The following NRM variants were observed in gnomAD, a reference collection of about 807,000 sequenced individuals.
NRM encodes nuclear rim protein.
In NRM, 19 loss-of-function variants were observed where a neutral mutation model predicts 23.4. The ratio of observed to expected loss-of-function variants is 0.81; its 90% CI spans 0.57 to 1.19. The LOEUF is 1.19. Ranked by LOEUF, NRM falls within the 50% of genes most tolerant of loss-of-function variation. The pLI is 0.00. For missense variants in NRM, 232 were observed against 329.7 expected (o/e 0.70, Z 2.30); for synonymous variants, 140 against 143.5 (o/e 0.98, Z 0.17).
In NRM at chr6:30,689,804, A is replaced by C. The variant is rs551154235; in HGVS notation, c.330+243T>G. Among the ~76,000 whole-genome samples the C allele has an allele frequency of 2.0e-5, 3 of 152,324 alleles. No homozygotes were observed. The South Asian group carries it at 6.2e-4, about 32-fold the overall frequency. On this transcript the variant is annotated intron_variant, in intron 2 of 3. Transcript: ENST00000376421. The surrounding 1 kb of genome is among the most constrained non-coding windows in gnomAD (Gnocchi z 4.7). The stretch of plus-strand genomic sequence containing the variant: ...GTAGGACTGAAGAGAAGGGATCTCA[A>C]GCAGGACATAAACAAAGTTGCAGAG...
At position 30,689,585 on chromosome 6, in the gene NRM, A is replaced by C; in HGVS notation, c.331-133T>G. 1.1e-6 allele frequency: 1 copy of C among 886,776 alleles called. No individual in the cohort carries two copies. The highest frequency in any genetic ancestry group is 1.7e-6 in the Non-Finnish European group (1 of 592,726). The allele number at this position is 886,776 out of a possible 1,614,324, so 54.9% of individuals were successfully genotyped here. A position where few individuals can be genotyped will look rare whatever the true frequency, so the allele number is the denominator to read the frequency against. On this transcript the variant is annotated intron_variant, in intron 2 of 3. Coordinates refer to ENST00000376421, the MANE Select transcript of NRM (RefSeq NM_001384369.1). This position sits in a 1 kb window ranked among gnomAD's most constrained non-coding sequence, Gnocchi z 4.7. Reference sequence around the variant, plus strand: ...ACCTCTCTCCTAAGCATCACCACCAAATATTCACCATGTGGAGGGTGCGTG... The same window carrying C: ...ACCTCTCTCCTAAGCATCACCACCACATATTCACCATGTGGAGGGTGCGTG...
chr6:30,688,321 GAGGCA>G lies in NRM; in HGVS notation c.*335_*339del. 1 of 335,012 alleles carries G rather than the reference GAGGCA, an allele frequency of 3.0e-6. No homozygotes were observed. Among genetic ancestry groups the G allele is most frequent in the Non-Finnish European group, 5.5e-6 (1 of 180,370 alleles). The allele number at this position is 335,012 out of a possible 1,614,324, so 20.8% of individuals were successfully genotyped here. A position where few individuals can be genotyped will look rare whatever the true frequency, so the allele number is the denominator to read the frequency against. Reference sequence around the variant, plus strand: ...TGCAGAAGGGGACCCCTGAGGCGCAGAGGCAAGTAACAGTGCCAGGGGAGTGGTCA... The same window carrying G: ...TGCAGAAGGGGACCCCTGAGGCGCAGAGTAACAGTGCCAGGGGAGTGGTCA... On this transcript the variant is annotated 3_prime_UTR_variant, in exon 4 of 4. Coordinates refer to ENST00000376421, the MANE Select transcript of NRM (RefSeq NM_001384369.1). This position sits in a 1 kb window ranked among gnomAD's most constrained non-coding sequence, Gnocchi z 5.9.
chr6:30,690,040 C>T lies in NRM; in HGVS notation c.330+7G>A, dbSNP rs539988072. ...GATTTCATACCTGCAAGGCCAGGGC[C>T]TCATACCTGCAAGGCCAGGGCAGTG... On this transcript the variant is annotated splice_region_variant and intron_variant, in intron 2 of 3. Transcript: ENST00000376421. The surrounding 1 kb of genome is among the most constrained non-coding windows in gnomAD (Gnocchi z 5.5). 8 of 1,600,878 alleles carry T rather than the reference C, an allele frequency of 5.0e-6. No individual in the cohort carries two copies. The African/African-American group carries it at 9.5e-5, about 19-fold the overall frequency.
rs1018508282 is a variant in NRM, at chr6:30,690,355, G to C, written c.134-112C>G. On this transcript the variant is annotated intron_variant, in intron 1 of 3. Coordinates refer to ENST00000376421, the MANE Select transcript of NRM (RefSeq NM_001384369.1). The surrounding 1 kb of genome is among the most constrained non-coding windows in gnomAD (Gnocchi z 5.5). ...GCCATGTCCCTTACTGCTTTCAAGA[G>C]CCTTAATGCTTCCTCTCTAGGCTGT... The C allele has an allele frequency of 5.5e-6, 6 of 1,100,882 alleles. No individual in the cohort carries two copies. The highest frequency in any genetic ancestry group is 7.7e-6 in the Non-Finnish European group (6 of 782,272). The allele number at this position is 1,100,882 out of a possible 1,614,324, so 68.2% of individuals were successfully genotyped here.
In NRM at chr6:30,689,229, G is replaced by C; in HGVS notation, c.507+47C>G. The C allele has an allele frequency of 6.6e-7, 1 of 1,510,370 alleles. No homozygotes were observed. Among genetic ancestry groups the C allele is most frequent in the South Asian group, 1.2e-5 (1 of 80,910 alleles). The allele number at this position is 1,510,370 out of a possible 1,614,324, so 93.6% of individuals were successfully genotyped here. A position where few individuals can be genotyped will look rare whatever the true frequency, so the allele number is the denominator to read the frequency against. On this transcript the variant is annotated intron_variant, in intron 3 of 3. Transcript: ENST00000376421. This position sits in a 1 kb window ranked among gnomAD's most constrained non-coding sequence, Gnocchi z 4.7. The stretch of plus-strand genomic sequence containing the variant: ...GGAAACCCTTGAAAGGGAACGAGGA[G>C]TTCTAAAATGGGTCAGAGGTCATAG...
At position 30,688,599 on chromosome 6, in the gene NRM, A is replaced by C; in HGVS notation, c.*62T>G. On this transcript the variant is annotated 3_prime_UTR_variant, in exon 4 of 4. Coordinates refer to ENST00000376421, the MANE Select transcript of NRM (RefSeq NM_001384369.1). This position sits in a 1 kb window ranked among gnomAD's most constrained non-coding sequence, Gnocchi z 5.9. ...CTGGCATGAAGCAGCCAGGGCCTGG[A>C]TGTTAAGGATTTAGAATTCAGTGGG... 6.4e-7 allele frequency: 1 copy of C among 1,562,606 alleles called. No homozygotes were observed. Among genetic ancestry groups the C allele is most frequent in the Non-Finnish European group, 8.7e-7 (1 of 1,149,596 alleles).
Position 30,688,756 on chromosome 6 carries a change from G to C in NRM, c.694C>G (p.His232Asp), listed in dbSNP as rs151213652. The part of the protein sequence containing the change: ...FLLTLYLGLA[H>D]GLDQQDLRYL... ...CGGAGGTCTTGCTGATCAAGCCCGT[G>C]AGCCAGGCCCAGGTAGAGGGTAAGG... The change falls in exon 4 of 4, where the codon CAC (histidine) becomes GAC (aspartate). Residue 232 changes from histidine to aspartate, a missense_variant. Coordinates refer to ENST00000376421, the MANE Select transcript of NRM (RefSeq NM_001384369.1). The surrounding 1 kb of genome is among the most constrained non-coding windows in gnomAD (Gnocchi z 5.9). The C allele has an allele frequency of 3.1e-6, 5 of 1,613,924 alleles. No homozygotes were observed. The highest frequency in any genetic ancestry group is 4.2e-6 in the Non-Finnish European group (5 of 1,179,990).
Position 30,689,579 on chromosome 6 carries a change from C to T in NRM, c.331-127G>A, listed in dbSNP as rs955772198. The T allele has an allele frequency of 1.1e-6, 1 of 943,360 alleles. No homozygotes were observed. The highest frequency in any genetic ancestry group is 1.7e-5 in the African/African-American group (1 of 60,034). 58.4% of individuals were successfully genotyped at this position (943,360 alleles called of 1,614,324 possible). On this transcript the variant is annotated intron_variant, in intron 2 of 3. Transcript: ENST00000376421. This position sits in a 1 kb window ranked among gnomAD's most constrained non-coding sequence, Gnocchi z 4.7. Reference sequence around the variant, plus strand: ...TCCCCCACCTCTCTCCTAAGCATCACCACCAAATATTCACCATGTGGAGGG... The same window carrying T: ...TCCCCCACCTCTCTCCTAAGCATCATCACCAAATATTCACCATGTGGAGGG...
Position 30,689,401 on chromosome 6 carries a change from C to G in NRM, c.382G>C (p.Ala128Pro). 1.9e-6 allele frequency: 3 copies of G among 1,571,700 alleles called. No individual in the cohort carries two copies. Among genetic ancestry groups the G allele is most frequent in the Non-Finnish European group, 1.7e-6 (2 of 1,158,568 alleles). Reference sequence around the variant, plus strand: ...CAGGTGGCCCATGGCTCAGCCCGAGCCTCCCACAACACAGGGCCTTTGGGT... The same window carrying G: ...CAGGTGGCCCATGGCTCAGCCCGAGGCTCCCACAACACAGGGCCTTTGGGT... ...PIPKGPVLWE[A>P]RAEPWATWVP... is the part of the protein sequence containing the mutation. The change falls in exon 3 of 4, where the codon GCT becomes CCT. Residue 128 changes from alanine (A) to proline (P), a missense_variant. Transcript: ENST00000376421. The surrounding 1 kb of genome is among the most constrained non-coding windows in gnomAD (Gnocchi z 4.7).
In NRM at chr6:30,688,991, C is replaced by G. The variant is rs763182065; in HGVS notation, c.508-49G>C. The G allele has an allele frequency of 9.0e-6, 14 of 1,559,600 alleles. No individual in the cohort carries two copies. The highest frequency in any genetic ancestry group is 1.2e-5 in the Non-Finnish European group (14 of 1,151,814). ...AAATGGAGTCAAGCCCTTTTCTCAT[C>G]TTGGGCACTTCTTTCCTCCTCTTCC... is the stretch of plus-strand genomic sequence containing the variant. On this transcript the variant is annotated intron_variant, in intron 3 of 3. Transcript: ENST00000376421. The surrounding 1 kb of genome is among the most constrained non-coding windows in gnomAD (Gnocchi z 5.9).
At position 30,688,835 on chromosome 6, in the gene NRM, T is replaced by G; in HGVS notation, c.615A>C (p.Thr205=). 2.5e-6 allele frequency: 4 copies of G among 1,613,734 alleles called. No individual in the cohort carries two copies. Among genetic ancestry groups the G allele is most frequent in the Non-Finnish European group, 3.4e-6 (4 of 1,179,946 alleles). The change falls in exon 4 of 4, where the codon ACA becomes ACC. Residue 205 remains threonine, a synonymous_variant. Transcript: ENST00000376421. This position sits in a 1 kb window ranked among gnomAD's most constrained non-coding sequence, Gnocchi z 5.9. ...CCAGGGTAGGCACCACCCACAGCAC[T>G]GTCAGCAGCTCCACACACACTGGGT... ...LRHPVCVELL[T]VLWVVPTLGT...
chr6:30,689,878 A>G lies in NRM; in HGVS notation c.330+169T>C. On this transcript the variant is annotated intron_variant, in intron 2 of 3. Coordinates refer to ENST00000376421, the MANE Select transcript of NRM (RefSeq NM_001384369.1). This position sits in a 1 kb window ranked among gnomAD's most constrained non-coding sequence, Gnocchi z 4.7. Reference sequence around the variant, plus strand: ...GGGAAGGACAAGTACACCCTTCTTGATAAAAAGTAGGATATGTGCTGTGGA... The same window carrying G: ...GGGAAGGACAAGTACACCCTTCTTGGTAAAAAGTAGGATATGTGCTGTGGA... The G allele has an allele frequency of 1.6e-6, 1 of 626,252 alleles. No individual in the cohort carries two copies. The highest frequency in any genetic ancestry group is 2.7e-6 in the Non-Finnish European group (1 of 370,578). 38.8% of individuals were successfully genotyped at this position (626,252 alleles called of 1,614,324 possible).
Position 30,689,692 on chromosome 6 carries a change from C to A in NRM, c.331-240G>T, listed in dbSNP as rs773602933. Among the ~76,000 whole-genome samples, 7 of 152,242 alleles carry A rather than the reference C, an allele frequency of 4.6e-5. No individual in the cohort carries two copies. The highest frequency in any genetic ancestry group is 1.4e-4 in the African/African-American group (6 of 41,530). On this transcript the variant is annotated intron_variant, in intron 2 of 3. Transcript: ENST00000376421. This position sits in a 1 kb window ranked among gnomAD's most constrained non-coding sequence, Gnocchi z 4.7. ...AATAGATGGGGTGACCTGATAGCTA[C>A]GCAAAGTAGTAGCCTGTGCCAACCA... is the stretch of plus-strand genomic sequence containing the variant.
chr6:30,690,157 C>T lies in NRM; in HGVS notation c.220G>A (p.Val74Ile). ...AWDLGLLLLFVGQHSLMAAER... is the reference protein window; with the variant it reads ...AWDLGLLLLFIGQHSLMAAER... ...GCTGCCATGAGGCTGTGCTGCCCAA[C>T]AAATAGAAGCAGGAGCCCCAGATCC... Residue 74 changes from valine to isoleucine, a missense_variant, in exon 2 of 4, where the codon GTT becomes ATT. Physicochemically the swap from Val to Ile is conservative, Grantham distance 29. Coordinates refer to ENST00000376421, the MANE Select transcript of NRM (RefSeq NM_001384369.1). The surrounding 1 kb of genome is among the most constrained non-coding windows in gnomAD (Gnocchi z 5.5). 2 of 1,612,872 alleles carry T rather than the reference C, an allele frequency of 1.2e-6. No individual in the cohort carries two copies. The highest frequency in any genetic ancestry group is 1.1e-5 in the South Asian group (1 of 91,074).
chr6:30,690,701 C>G lies in NRM; in HGVS notation c.133+141G>C. On this transcript the variant is annotated intron_variant, in intron 1 of 3. Transcript: ENST00000376421. This position sits in a 1 kb window ranked among gnomAD's most constrained non-coding sequence, Gnocchi z 5.5. The stretch of plus-strand genomic sequence containing the variant: ...AATTTAGAACTCAGGTCTCCCTCCC[C>G]TGTAGCTTCTCGGCCGCTTTCAAGG... The G allele has an allele frequency of 6.2e-7, 1 of 1,610,754 alleles. No homozygotes were observed. Among genetic ancestry groups the G allele is most frequent in the South Asian group, 1.1e-5 (1 of 90,230 alleles).
In NRM at chr6:30,690,500, G is replaced by T; in HGVS notation, c.134-257C>A. 1 of 1,490,808 alleles carries T rather than the reference G, an allele frequency of 6.7e-7. No individual in the cohort carries two copies. The allele number at this position is 1,490,808 out of a possible 1,614,324, so 92.3% of individuals were successfully genotyped here. On this transcript the variant is annotated intron_variant, in intron 1 of 3. Coordinates refer to ENST00000376421, the MANE Select transcript of NRM (RefSeq NM_001384369.1). This position sits in a 1 kb window ranked among gnomAD's most constrained non-coding sequence, Gnocchi z 5.5. ...AGTTGCAAAAAGCATGGCTGGAGAG[G>T]CCACGCTGGATTGCCCCTCTTACTT... is the stretch of plus-strand genomic sequence containing the variant.
chr6:30,689,224 G>C lies in NRM; in HGVS notation c.507+52C>G. The C allele has an allele frequency of 6.7e-7, 1 of 1,483,806 alleles. No individual in the cohort carries two copies. 91.9% of individuals were successfully genotyped at this position (1,483,806 alleles called of 1,614,324 possible). ...AGGAGGGAAACCCTTGAAAGGGAAC[G>C]AGGAGTTCTAAAATGGGTCAGAGGT... On this transcript the variant is annotated intron_variant, in intron 3 of 3. Transcript: ENST00000376421. The surrounding 1 kb of genome is among the most constrained non-coding windows in gnomAD (Gnocchi z 4.7).
Position 30,688,942 on chromosome 6 carries a change from C to T in NRM, c.508G>A (p.Val170Ile). The change falls in exon 4 of 4, where the codon GTA becomes ATA. Residue 170 changes from valine (V) to isoleucine (I), a missense_variant and splice_region_variant. Coordinates refer to ENST00000376421, the MANE Select transcript of NRM (RefSeq NM_001384369.1). The surrounding 1 kb of genome is among the most constrained non-coding windows in gnomAD (Gnocchi z 5.9). The part of the protein sequence containing the change: ...DYAELMGLKQ[V>I]YYHVLGLGEP... ...CCCAGCCCCAGCACATGGTAGTATA[C>T]CTAAGAGAGGGAGAAGAGCTTAGAA... is the stretch of plus-strand genomic sequence containing the variant. 1.1e-5 allele frequency: 17 copies of T among 1,609,364 alleles called. No individual in the cohort carries two copies. The highest frequency in any genetic ancestry group is 1.4e-5 in the Non-Finnish European group (17 of 1,177,788).
rs1460469418 is a variant in NRM, at chr6:30,689,137, C to G, written c.507+139G>C. ...AGGAGGCCCATGCTTGCTGCCCTTA[C>G]GAGGGAAAGTCAAAGGGAAGGGCCA... On this transcript the variant is annotated intron_variant, in intron 3 of 3. Coordinates refer to ENST00000376421, the MANE Select transcript of NRM (RefSeq NM_001384369.1). The surrounding 1 kb of genome is among the most constrained non-coding windows in gnomAD (Gnocchi z 4.7). 3 of 1,092,610 alleles carry G rather than the reference C, an allele frequency of 2.7e-6. No individual in the cohort carries two copies. The highest frequency in any genetic ancestry group is 3.9e-6 in the Non-Finnish European group (3 of 779,010). 67.7% of individuals were successfully genotyped at this position (1,092,610 alleles called of 1,614,324 possible).
Sources: allele counts gnomAD v4.1 joint callset (sites outside exome capture counted in the v4.1 genomes callset), GRCh38; gene constraint gnomAD v4.1.1; non-coding constraint Gnocchi (gnomAD v3.1); transcripts MANE v1.5; gene names NCBI Gene and HGNC (gene_info 2026-07-23, HGNC 2026-07-21).